Variants in MDN1 observed in about 807,000 individuals in gnomAD.
The protein encoded by MDN1 is midasin.
A neutral mutation model predicts 669.2 loss-of-function variants in MDN1; 266 were observed. That is an observed-to-expected ratio of 0.40 (90% confidence interval 0.36 to 0.44). The LOEUF (loss-of-function observed/expected upper bound fraction) is 0.44, where lower values mean the gene tolerates loss of function less well. Among genes scored for constraint, MDN1 ranks in the 20% least tolerant of loss-of-function variants. MDN1 has a pLI of 1.00. For synonymous variants in MDN1, 2,385 were observed against 2,457.1 expected, an observed-to-expected ratio of 0.97 and a Z score of 0.87; for missense variants, 5,940 against 6,754.0, an observed-to-expected ratio of 0.88 and a Z score of 4.22.
At position 89,713,209 on chromosome 6, in the gene MDN1, GCT is replaced by G. The variant is rs750073717; in HGVS notation, c.7155_7156del (p.Arg2385SerfsTer4). On this transcript the variant is annotated frameshift_variant, in exon 47 of 102. Transcript: ENST00000369393. LOFTEE classifies it high-confidence loss of function. Reference sequence around the variant, plus strand: ...TACTTCCCAGCATGCTTCAGAAAAGGCTCTGTCTAAACTCAGCCCTCGCTGCA... The same window carrying G: ...TACTTCCCAGCATGCTTCAGAAAAGGCTGTCTAAACTCAGCCCTCGCTGCA... The G allele has an allele frequency of 6.2e-7, 1 of 1,614,092 alleles. No homozygotes were observed. The highest frequency in any genetic ancestry group is 1.1e-5 in the South Asian group (1 of 91,070).
At chr6:89,789,669 T>C (rs181268157) in intron 7 of MDN1, 111 bp downstream of exon 7, 1 of 1,284,306 alleles carries the variant, frequency 7.8e-7, no homozygotes, top group East Asian at 2.4e-5. Context: ...ACATAGTACG[T>C]CTAATCAAAT....
chr6:89,783,467 C>T (rs2128325070), intron 9 of MDN1, among the ~76,000 whole-genome samples: 1 of 152,306 alleles, frequency 6.6e-6, no homozygotes, highest in Non-Finnish European at 1.5e-5. Flanking sequence ...ACGTGCACCG[C>T]TGAACATAGA....
chr6:89,749,258 A>C lies in MDN1; in HGVS notation c.3727T>G (p.Cys1243Gly). The change falls in exon 26 of 102, where the codon TGC (cysteine) becomes GGC (glycine). Residue 1243 changes from cysteine to glycine, a missense_variant. Physicochemically the swap from Cys to Gly is radical, Grantham distance 159 (BLOSUM62 -3). Coordinates refer to ENST00000369393, the MANE Select transcript of MDN1 (RefSeq NM_014611.3). ...AGCATGACTTTAACCAACTTGCTGC[A>C]ATAGGAGGGTGGCAAACTACACCGC... ...HKRCSLPPSYCSKLVKVMLDL... is the reference protein window; with the variant it reads ...HKRCSLPPSYGSKLVKVMLDL... 6.2e-7 allele frequency: 1 copy of C among 1,614,116 alleles called. No individual in the cohort carries two copies.
At chr6:89,724,072 G>A (rs918237717) in intron 38 of MDN1, among the ~76,000 whole-genome samples, 10 of 151,964 alleles carry the variant, frequency 6.6e-5, no homozygotes, top group African/African-American at 1.5e-4. Flanking sequence ...GCTCCCAGGA[G>A]GAGGAGATTG....
chr6:89,658,789 C>T lies in MDN1; in HGVS notation c.14842G>A (p.Asp4948Asn), dbSNP rs769657008. The T allele has an allele frequency of 6.2e-7, 1 of 1,614,226 alleles. No homozygotes were observed. The highest frequency in any genetic ancestry group is 8.5e-7 in the Non-Finnish European group (1 of 1,180,040). Reference protein sequence around the residue: ...PQEPEEGPSEDDKAEGEEEMD... With the variant: ...PQEPEEGPSENDKAEGEEEMD... ...TCCTCTTCCCCTTCTGCCTTGTCAT[C>T]TTCACTGGGGCCTTCCTCAGGCTCC... Residue 4948 changes from aspartate to asparagine, a missense_variant, in exon 89 of 102, where the codon GAT becomes AAT. Physicochemically the swap from Asp to Asn is conservative, Grantham distance 23. Transcript: ENST00000369393.
At position 89,646,524 on chromosome 6, in the gene MDN1, A is replaced by G; in HGVS notation, c.16459+16T>C. ...AGAAAGCATTTTGTTAATGAAGAGGAAGGCATGCAGCTCACCTGAACTGAT... is the reference window on the plus strand; with the variant it reads ...AGAAAGCATTTTGTTAATGAAGAGGGAGGCATGCAGCTCACCTGAACTGAT... On this transcript the variant is annotated intron_variant, in intron 100 of 101. Transcript: ENST00000369393. 1 of 1,612,112 alleles carries G rather than the reference A, an allele frequency of 6.2e-7. No individual in the cohort carries two copies. Among genetic ancestry groups the G allele is most frequent in the Non-Finnish European group, 8.5e-7 (1 of 1,178,392 alleles).
Position 89,714,568 on chromosome 6 carries a change from G to A in MDN1, c.7044C>T (p.His2348=), listed in dbSNP as rs2128312386. 6.2e-7 allele frequency: 1 copy of A among 1,612,266 alleles called. No individual in the cohort carries two copies. The highest frequency in any genetic ancestry group is 1.1e-5 in the South Asian group (1 of 90,750). Residue 2348 remains histidine, a synonymous_variant, in exon 46 of 102, where the codon CAC becomes CAT. Transcript: ENST00000369393. ...CTACAACAGTGCTCCGGGTCTCTGT[G>A]TGTAAAGCCAAGAGGATGTCACATA... ...NSVCDILLAL[H]TETRSTVVGS...
At chr6:89,724,525 C>T (rs1815075400) in intron 38 of MDN1, among the ~76,000 whole-genome samples, 1 of 152,212 alleles carries the variant, frequency 6.6e-6, no homozygotes, top group Non-Finnish European at 1.5e-5. Context: ...TCAGGTGATT[C>T]ACCTGCCTTG....
In MDN1 at chr6:89,688,556, C is replaced by T. The variant is rs372863577; in HGVS notation, c.11259+17G>A. 2 of 1,607,322 alleles carry T rather than the reference C, an allele frequency of 1.2e-6. No homozygotes were observed. Among genetic ancestry groups the T allele is most frequent in the African/African-American group, 1.3e-5 (1 of 74,962 alleles). On this transcript the variant is annotated intron_variant, in intron 66 of 101. Coordinates refer to ENST00000369393, the MANE Select transcript of MDN1 (RefSeq NM_014611.3). The stretch of plus-strand genomic sequence containing the variant: ...GACTCAGTACTGTGAGCACTCCTTC[C>T]TCAACAGCTGCCCTACCTGTTCAAG...
rs763847287 is a variant in MDN1 at position 89,785,093 on chromosome 6, C to A, written c.1368G>T (p.Pro456=). ...LLSCGGNWYR[P]LNSHATLLDK... Reference sequence around the variant, plus strand: ...CTAGCAAAGTAGCATGACTGTTTAGCGGTCGATACCAATTTCCTCCACAGC... The same window carrying A: ...CTAGCAAAGTAGCATGACTGTTTAGAGGTCGATACCAATTTCCTCCACAGC... Residue 456 remains proline (P), a synonymous_variant, in exon 9 of 102, where the codon CCG becomes CCT. Transcript: ENST00000369393. 1 of 1,613,954 alleles carries A rather than the reference C, an allele frequency of 6.2e-7. No individual in the cohort carries two copies.
chr6:89,747,614 G>C (rs1304052655), intron 26 of MDN1, 144 bp from the exon 27 acceptor site: 7 of 978,588 alleles, frequency 7.2e-6, no homozygotes, highest in Non-Finnish European at 1.0e-5. Flanking sequence ...TTTTTTGGCC[G>C]GGCGTGGTGG....
chr6:89,756,026 T>C (rs1817226476), intron 20 of MDN1, among the ~76,000 whole-genome samples: 1 of 152,180 alleles, frequency 6.6e-6, no homozygotes, highest in African/African-American at 2.4e-5. Context: ...ATAGAGGTAA[T>C]CAGGAGAGCA....
At chr6:89,757,643 C>G (rs975367947) in intron 19 of MDN1, among the ~76,000 whole-genome samples, 1 of 152,142 alleles carries the variant, frequency 6.6e-6, no homozygotes, top group Non-Finnish European at 1.5e-5. Flanking sequence ...AATCTAAAAA[C>G]GAAGTCTTGG....
intron 97 of MDN1, among the ~76,000 whole-genome samples, chr6:89,649,490 T>G (rs972611022): frequency 2.0e-5 from 3 of 152,314 alleles, no homozygotes; most frequent in African/African-American, 7.2e-5. Context: ...AAACAAACAC[T>G]CTTTGGCATC....
At chr6:89,687,472 T>C (rs778833599) in intron 67 of MDN1, 34 bp from the exon 68 acceptor site, 5 of 1,575,590 alleles carry the variant, frequency 3.2e-6, no homozygotes, top group Middle Eastern at 1.7e-4. Flanking sequence ...ACTACAGATA[T>C]TATTCAATGC....
intron 25 of MDN1, 35 bp from the exon 26 acceptor site, chr6:89,749,404 G>T (rs375196810): frequency 6.2e-7 from 1 of 1,606,268 alleles, no homozygotes; most frequent in African/African-American, 1.3e-5. Flanking sequence ...AGTAAAAGGT[G>T]CCTTTTAATT....
chr6:89,708,823 T>C (rs986533110), intron 50 of MDN1, among the ~76,000 whole-genome samples, 195 bp from the exon 51 acceptor site: 21 of 152,156 alleles, frequency 1.4e-4, no homozygotes, highest in African/African-American at 4.6e-4. Flanking sequence ...TTACACTCTA[T>C]CTTTACCAAA....
rs969821073 is a variant in MDN1 at position 89,708,657 on chromosome 6, T to C, written c.7766-29A>G. The C allele has an allele frequency of 6.2e-6, 10 of 1,602,672 alleles. No individual in the cohort carries two copies. The Admixed American group carries it at 8.5e-5, about 14-fold the overall frequency. On this transcript the variant is annotated intron_variant, in intron 50 of 101. Transcript: ENST00000369393. Reference sequence around the variant, plus strand: ...GTTTAAAAACAGAACAAAACAAAAATCAGAAATATTGGAGAAACTCCTTGC... The same window carrying C: ...GTTTAAAAACAGAACAAAACAAAAACCAGAAATATTGGAGAAACTCCTTGC...
At chr6:89,796,339 A>AAAAC (rs1819604775) in intron 2 of MDN1, among the ~76,000 whole-genome samples, 2 of 108,968 alleles carry the variant, frequency 1.8e-5, no homozygotes, top group East Asian at 4.0e-4. Context: ...AAAAAAAAAA[A>AAAAC]AAAAAAAAAA....
Sources: gnomAD v4.1 joint callset for allele counts (sites outside exome capture counted in the v4.1 genomes callset) on GRCh38, gnomAD v4.1.1 for gene constraint, MANE v1.5 for transcripts, NCBI Gene and HGNC (gene_info 2026-07-23, HGNC 2026-07-21) for gene names.